BRINP3: variants seen among roughly 807,000 people sequenced by gnomAD.
The protein encoded by BRINP3 is BMP/retinoic acid-inducible neural-specific protein 3.
In BRINP3, 19 loss-of-function variants were observed where a neutral mutation model predicts 71.0. The ratio of observed to expected loss-of-function variants is 0.27; its 90% confidence interval spans 0.19 to 0.39. BRINP3 has a LOEUF of 0.39. Among genes scored for constraint, BRINP3 ranks in the 10% least tolerant of loss-of-function variants. The pLI is 1.00. For missense variants in BRINP3, 959 were observed against 940.8 expected, an observed-to-expected ratio of 1.02 and a Z score of -0.25; for synonymous variants, 380 against 337.7, an observed-to-expected ratio of 1.13 and a Z score of -1.37.
chr1:190,195,254 G>C (rs1654376874), intron 6 of BRINP3, among the ~76,000 whole-genome samples: 2 of 151,692 alleles, frequency 1.3e-5, no homozygotes, highest in South Asian at 2.1e-4. Flanking sequence ...TAATTAAAAA[G>C]ATTACATCTA....
At chr1:190,287,054 A>G (rs1261360605) in intron 2 of BRINP3, among the ~76,000 whole-genome samples, 1 of 147,188 alleles carries the variant, frequency 6.8e-6, no homozygotes, top group Admixed American at 6.9e-5. Context: ...CCCTGTCTCT[A>G]CTAAAAAAAA....
At chr1:190,198,441 T>C (rs575966720) in intron 6 of BRINP3, among the ~76,000 whole-genome samples, 31 of 151,958 alleles carry the variant, frequency 2.0e-4, no homozygotes, top group Middle Eastern at 6.8e-3. Flanking sequence ...TGCTTTCCCT[T>C]TTAAATATAA....
intron 2 of BRINP3, among the ~76,000 whole-genome samples, chr1:190,427,766 T>C (rs1286248775): frequency 6.6e-6 from 1 of 151,932 alleles, no homozygotes; most frequent in Non-Finnish European, 1.5e-5. Flanking sequence ...AGTTCAGAGG[T>C]ACAGGTGCCA....
intron 6 of BRINP3, among the ~76,000 whole-genome samples, chr1:190,193,069 C>T (rs971297542): frequency 6.6e-6 from 1 of 151,934 alleles, no homozygotes; most frequent in Non-Finnish European, 1.5e-5. Context: ...TCCAAATGTT[C>T]TTATTGTTAA....
At chr1:190,366,324 AG>A (rs1669499451) in intron 2 of BRINP3, among the ~76,000 whole-genome samples, 1 of 152,116 alleles carries the variant, frequency 6.6e-6, no homozygotes, top group African/African-American at 2.4e-5. Context: ...AAGGGGGAAA[AG>A]CCCCTTAGAA....
intron 2 of BRINP3, among the ~76,000 whole-genome samples, chr1:190,422,294 G>T (rs1572010047): frequency 6.6e-6 from 1 of 151,682 alleles, no homozygotes; most frequent in South Asian, 2.1e-4. Context: ...GAATGTGGTC[G>T]ATTAGTCATT....
intron 2 of BRINP3, among the ~76,000 whole-genome samples, chr1:190,358,146 C>A (rs1668867039): frequency 6.6e-6 from 1 of 152,110 alleles, no homozygotes; most frequent in Admixed American, 6.6e-5. Flanking sequence ...CAACAAAAGA[C>A]AAAATTGACA....
chr1:190,208,167 T>A (rs964485652), intron 6 of BRINP3, among the ~76,000 whole-genome samples: 1 of 151,860 alleles, frequency 6.6e-6, no homozygotes, highest in Non-Finnish European at 1.5e-5. Flanking sequence ...TCACTATGTT[T>A]CCCTGGTCTT....
chr1:190,114,866 A>G (rs936055168), intron 7 of BRINP3, among the ~76,000 whole-genome samples: 7 of 152,006 alleles, frequency 4.6e-5, no homozygotes, highest in Non-Finnish European at 8.8e-5. Context: ...TATTTCTGGA[A>G]CCCCATTGCT....
intron 2 of BRINP3, among the ~76,000 whole-genome samples, chr1:190,412,405 A>C (rs1363256462): frequency 1.4e-5 from 2 of 141,214 alleles, no homozygotes; most frequent in Non-Finnish European, 3.1e-5. Flanking sequence ...TTATATATAT[A>C]TATATATATA....
chr1:190,313,808 T>C (rs889217700), intron 2 of BRINP3, among the ~76,000 whole-genome samples: 1 of 152,082 alleles, frequency 6.6e-6, no homozygotes. Context: ...TTCTAACCCA[T>C]ATTGACCTGA....
At chr1:190,324,621 A>C (rs1013131751) in intron 2 of BRINP3, among the ~76,000 whole-genome samples, 2 of 151,920 alleles carry the variant, frequency 1.3e-5, no homozygotes, top group African/African-American at 4.8e-5. Flanking sequence ...TATTTTGGGG[A>C]AAATTATTTA....
At position 190,227,691 on chromosome 1, in the gene BRINP3, A is replaced by C. The variant is rs2102708272; in HGVS notation, c.725-1373T>G. ...GATGTATAGTTTTCAATATTGAGTG[A>C]CTGTGCTGAAGAGTGATACATTAAC... On this transcript the variant is annotated intron_variant, in intron 5 of 7. Transcript: ENST00000367462. Among the ~76,000 whole-genome samples, 2 of 151,990 alleles carry C rather than the reference A, an allele frequency of 1.3e-5. 1 individual carries two copies. The highest frequency in any genetic ancestry group is 4.2e-4 in the South Asian group (2 of 4,818).
rs1172643316 is a variant in BRINP3, at chr1:190,351,983, C to T, written c.237-70233G>A. On this transcript the variant is annotated intron_variant, in intron 2 of 7. Coordinates refer to ENST00000367462, the MANE Select transcript of BRINP3 (RefSeq NM_199051.3). ...AATTTCAAACATTTTAAATTTTATA[C>T]AGAAAAAATTCTTTATTTTTAAATG... 3.9e-5 allele frequency among the ~76,000 whole-genome samples: 6 copies of T among 151,994 alleles called. No homozygotes were observed. The East Asian group carries it at 1.2e-3, about 29-fold the overall frequency.
chr1:190,336,572 C>G (rs1017675116), intron 2 of BRINP3, among the ~76,000 whole-genome samples: 5 of 151,868 alleles, frequency 3.3e-5, no homozygotes, highest in African/African-American at 9.7e-5. Flanking sequence ...AGATTTTTAA[C>G]CCAGGACAAA....
chr1:190,453,099 T>C (rs1230233561), intron 2 of BRINP3, among the ~76,000 whole-genome samples: 1 of 150,024 alleles, frequency 6.7e-6, no homozygotes, highest in Admixed American at 6.7e-5. Flanking sequence ...ACTCAATCTG[T>C]GAGGAAAAAC....
At chr1:190,233,188 G>T (rs959208616) in intron 5 of BRINP3, among the ~76,000 whole-genome samples, 4 of 151,722 alleles carry the variant, frequency 2.6e-5, no homozygotes, top group African/African-American at 7.3e-5. Context: ...GTGCAGTGTC[G>T]CATGGACAGT....
chr1:190,226,678 G>A (rs974504934), intron 5 of BRINP3, among the ~76,000 whole-genome samples: 5 of 151,834 alleles, frequency 3.3e-5, no homozygotes, highest in African/African-American at 1.2e-4. Context: ...TTTTCTACCA[G>A]TTGATTTCAA....
intron 7 of BRINP3, among the ~76,000 whole-genome samples, chr1:190,141,555 CTTTTTTTTT>C (rs35090212): frequency 1.2e-5 from 1 of 82,376 alleles, no homozygotes; most frequent in Admixed American, 1.7e-4. Context: ...TCTTTCTTTC[CTTTTTTTTT>C]TTTTTTTTTT....
Sources: allele counts gnomAD v4.1 joint callset (sites outside exome capture counted in the v4.1 genomes callset), GRCh38; gene constraint gnomAD v4.1.1; transcripts MANE v1.5; gene names NCBI Gene and HGNC (gene_info 2026-07-23, HGNC 2026-07-21).